The following DOCK8 variants were observed in gnomAD, a reference collection of about 807,000 sequenced individuals.
The protein encoded by DOCK8 is dedicator of cytokinesis 8.
In DOCK8, 141 loss-of-function variants were observed where a neutral mutation model predicts 245.6. The observed-to-expected ratio is 0.57, with a 90% CI of 0.50 to 0.66. The LOEUF is 0.66. Among genes scored for constraint, DOCK8 ranks in the 30% least tolerant of loss-of-function variants. The probability of loss-of-function intolerance (pLI) is 0.00; values close to 1 mark genes in which losing one functional copy is unlikely to be tolerated. For synonymous variants in DOCK8, 1,168 were observed against 970.2 expected, an observed-to-expected ratio of 1.20 and a Z score of -3.79; for missense variants, 2,965 against 2,603.4, an observed-to-expected ratio of 1.14 and a Z score of -3.02.
At chr9:327,826 G>A (rs1443250810) in intron 8 of DOCK8, among the ~76,000 whole-genome samples, 196 bp from the exon 9 acceptor site, 2 of 152,158 alleles carry the variant, frequency 1.3e-5, no homozygotes, top group African/African-American at 4.8e-5. Context: ...TCTCTCAAAT[G>A]GCTCCAGAAT....
At chr9:270,690 T>A (rs2048140989) in intron 1 of DOCK8, among the ~76,000 whole-genome samples, 1 of 152,254 alleles carries the variant, frequency 6.6e-6, no homozygotes, top group Non-Finnish European at 1.5e-5. Flanking sequence ...TAAAAATTTA[T>A]ATATACCCTT....
chr9:244,054 GGCGACCGCTTGTAGTCCCA>G (rs1369056130), intron 1 of DOCK8, among the ~76,000 whole-genome samples: 2 of 152,004 alleles, frequency 1.3e-5, no homozygotes, highest in Non-Finnish European at 2.9e-5. Context: ...CGGGCGTGGC[GGCGACCGCTTGTAGTCCCA>G]GCTACTCTGG....
At chr9:375,036 C>G (rs1165801538) in intron 18 of DOCK8, among the ~76,000 whole-genome samples, 1 of 152,146 alleles carries the variant, frequency 6.6e-6, no homozygotes, top group Non-Finnish European at 1.5e-5. Context: ...TCATTTCTTC[C>G]AGTACTCAAA....
chr9:239,626 A>C (rs992007396), intron 1 of DOCK8, among the ~76,000 whole-genome samples: 1 of 152,192 alleles, frequency 6.6e-6, no homozygotes, highest in Non-Finnish European at 1.5e-5. Context: ...TTCTTATTAC[A>C]AAAGCTGTAT....
Position 376,319 on chromosome 9 carries a change from A to G in DOCK8, c.2205+14A>G, listed in dbSNP as rs2053513598. 2 of 1,572,852 alleles carry G rather than the reference A, an allele frequency of 1.3e-6. No homozygotes were observed. The highest frequency in any genetic ancestry group is 1.1e-5 in the South Asian group (1 of 90,298). On this transcript the variant is annotated intron_variant, in intron 19 of 47. Coordinates refer to ENST00000432829, the MANE Select transcript of DOCK8 (RefSeq NM_203447.4). ...GTACACACCCAGGTAAGGAATGTCA[A>G]GGTTAATCATGAAGGTAAAGGTGCA...
At chr9:386,162 A>G (rs1490467805) in intron 22 of DOCK8, among the ~76,000 whole-genome samples, 169 bp from the exon 23 acceptor site, 1 of 152,134 alleles carries the variant, frequency 6.6e-6, no homozygotes, top group Non-Finnish European at 1.5e-5. Flanking sequence ...ATTAGGTATA[A>G]CTTCACTGTC....
In DOCK8 at chr9:445,743, T is replaced by TTATC. The variant is rs2057233870; in HGVS notation, c.5581-626_5581-625insATCT. 2.0e-5 allele frequency among the ~76,000 whole-genome samples: 3 copies of TTATC among 151,926 alleles called. No homozygotes were observed. The South Asian group carries it at 6.2e-4, about 32-fold the overall frequency. ...GTGACATTTGGGTTGTTTCTAGTCT[T>TTATC]TGTTATGAATAAAGTTGCTGGAGAC... is the stretch of plus-strand genomic sequence containing the variant. On this transcript the variant is annotated intron_variant, in intron 43 of 47. Transcript: ENST00000432829.
chr9:235,556 C>T (rs1253616985), intron 1 of DOCK8, among the ~76,000 whole-genome samples: 1 of 152,226 alleles, frequency 6.6e-6, no homozygotes, highest in East Asian at 1.9e-4. Flanking sequence ...CCAGTTCGAG[C>T]TTCCCGGCCG....
chr9:308,583 A>T (rs1033408239), intron 5 of DOCK8, among the ~76,000 whole-genome samples: 1 of 152,254 alleles, frequency 6.6e-6, no homozygotes, highest in African/African-American at 2.4e-5. Flanking sequence ...ATTAGATTAT[A>T]TTATGCATAA....
chr9:289,697 T>C lies in DOCK8; in HGVS notation c.404+116T>C, dbSNP rs1379894367. On this transcript the variant is annotated intron_variant, in intron 4 of 47. Transcript: ENST00000432829. ...GTTTACAGAAAAATTGCATGGCAAA[T>C]AGAGTTCTCATGTATGCCTTCCTTA... The C allele has an allele frequency of 1.2e-5, 11 of 896,226 alleles. No homozygotes were observed. In the East Asian group the frequency reaches 1.4e-4, roughly 11 times the overall value. The allele number at this position is 896,226 out of a possible 1,614,324, so 55.5% of individuals were successfully genotyped here. A position where few individuals can be genotyped will look rare whatever the true frequency, so the allele number is the denominator to read the frequency against.
chr9:270,580 C>G (rs2048138082), intron 1 of DOCK8, among the ~76,000 whole-genome samples: 1 of 152,158 alleles, frequency 6.6e-6, no homozygotes, highest in Admixed American at 6.5e-5. Context: ...CCTCATCATG[C>G]TGGGTAGTTA....
chr9:221,708 G>A (rs1316826013), intron 1 of DOCK8, among the ~76,000 whole-genome samples: 3 of 151,468 alleles, frequency 2.0e-5, no homozygotes, highest in African/African-American at 4.9e-5. Flanking sequence ...TGTAGTCCCA[G>A]CTACTCAGGA....
In DOCK8 at chr9:386,313, A is replaced by G. The variant is rs1052261943; in HGVS notation, c.2779-18A>G. ...TCCATGGTTGGTTGACTGTTAAGCC[A>G]TGGTTTGTGTATTTTAGATCGCCGA... On this transcript the variant is annotated intron_variant, in intron 22 of 47. Coordinates refer to ENST00000432829, the MANE Select transcript of DOCK8 (RefSeq NM_203447.4). 5 of 1,610,282 alleles carry G rather than the reference A, an allele frequency of 3.1e-6. No individual in the cohort carries two copies. The highest frequency in any genetic ancestry group is 1.7e-5 in the Admixed American group (1 of 59,960).
At chr9:277,013 TG>T in intron 2 of DOCK8, 1 of 321,340 alleles carries the variant, frequency 3.1e-6, no homozygotes, top group Non-Finnish European at 6.6e-6. Flanking sequence ...TTCTCCATGT[TG>T]TCCAGGCTGG....
chr9:366,879 G>A (rs888306022), intron 14 of DOCK8, among the ~76,000 whole-genome samples: 8 of 152,174 alleles, frequency 5.3e-5, no homozygotes, highest in Non-Finnish European at 1.0e-4. Flanking sequence ...AGGCAAACTT[G>A]TCCCTGAGAG....
intron 12 of DOCK8, among the ~76,000 whole-genome samples, chr9:338,068 T>G (rs1375962927): frequency 6.6e-6 from 1 of 151,808 alleles, no homozygotes; most frequent in Non-Finnish European, 1.5e-5. Context: ...GCTGGAGAAT[T>G]GTTTGAACCT....
intron 21 of DOCK8, 102 bp from the exon 22 acceptor site, chr9:382,411 G>A (rs577531083): frequency 9.3e-6 from 14 of 1,512,672 alleles, no homozygotes; most frequent in South Asian, 4.5e-5. Flanking sequence ...GGCCTAATCC[G>A]GTGGCTTTTC....
At chr9:265,386 T>C (rs62531338) in intron 1 of DOCK8, among the ~76,000 whole-genome samples, 10,332 of 152,302 alleles carry the variant, frequency 0.068, 377 homozygotes, top group African/African-American at 0.084. Flanking sequence ...AATTATACTG[T>C]GTGTTGTGGT....
At chr9:297,789 A>C (rs893725732) in intron 4 of DOCK8, among the ~76,000 whole-genome samples, 1 of 152,180 alleles carries the variant, frequency 6.6e-6, no homozygotes, top group Non-Finnish European at 1.5e-5. Context: ...AGATTTTTAA[A>C]TGGGGAAGTA....
Sources: allele counts gnomAD v4.1 joint callset (sites outside exome capture counted in the v4.1 genomes callset), GRCh38; gene constraint gnomAD v4.1.1; transcripts MANE v1.5; gene names NCBI Gene and HGNC (gene_info 2026-07-23, HGNC 2026-07-21).